Variants in HDAC8 observed in about 807,000 individuals in gnomAD.
The protein encoded by HDAC8 is histone deacetylase-like 1.
In HDAC8, 1 loss-of-function variant was observed where a neutral mutation model predicts 32.2. The ratio of observed to expected loss-of-function variants is 0.03; its 90% CI spans 0.01 to 0.15. HDAC8 has a LOEUF of 0.15. Among genes scored for constraint, HDAC8 ranks in the 10% least tolerant of loss-of-function variants. The pLI is 1.00. For missense variants in HDAC8, 117 were observed against 300.0 expected (o/e 0.39, Z 4.51); for synonymous variants, 108 against 113.9 (o/e 0.95, Z 0.33).
chrX:72,354,027 C>T (rs781912835), intron 9 of HDAC8, among the ~76,000 whole-genome samples: 46 of 112,203 alleles, frequency 4.1e-4, no homozygotes, highest in African/African-American at 1.4e-3. Flanking sequence ...CTTTAGCTCC[C>T]TCTTTGACCA....
intron 4 of HDAC8, among the ~76,000 whole-genome samples, chrX:72,563,214 A>G (rs1441857549): frequency 3.6e-5 from 4 of 111,596 alleles, no homozygotes; most frequent in Non-Finnish European, 7.5e-5. Context: ...CACATAAAGT[A>G]TTTATCTGAA....
intron 9 of HDAC8, among the ~76,000 whole-genome samples, chrX:72,459,250 C>T (rs2047803137): frequency 9.0e-6 from 1 of 111,145 alleles, no homozygotes; most frequent in Admixed American, 9.6e-5. Flanking sequence ...TAAGGCCTGG[C>T]AAATAGTAGG....
At chrX:72,419,038 C>A (rs1555972711) in intron 9 of HDAC8, among the ~76,000 whole-genome samples, 1 of 111,647 alleles carries the variant, frequency 9.0e-6, no homozygotes. Flanking sequence ...ATTACTATAG[C>A]TTTGTATTAC....
chrX:72,368,646 C>T (rs782366869), intron 9 of HDAC8, among the ~76,000 whole-genome samples: 10 of 112,478 alleles, frequency 8.9e-5, no homozygotes, highest in Non-Finnish European at 1.3e-4. Flanking sequence ...TAAGCCACCA[C>T]GCCTGGCCAT....
intron 7 of HDAC8, among the ~76,000 whole-genome samples, chrX:72,484,084 G>A (rs1016317085): frequency 4.4e-5 from 5 of 112,362 alleles, no homozygotes; most frequent in East Asian, 2.8e-4. Flanking sequence ...AAAGAGGTAC[G>A]AATCTTAAGT....
At chrX:72,473,662 A>G in intron 7 of HDAC8, 4 of 753,005 alleles carry the variant, frequency 5.3e-6, no homozygotes, top group Non-Finnish European at 6.3e-6. Flanking sequence ...ACTACAGTAT[A>G]TCTGCTTCCA....
At chrX:72,449,286 G>C (rs1555986490) in intron 9 of HDAC8, among the ~76,000 whole-genome samples, 1 of 111,207 alleles carries the variant, frequency 9.0e-6, no homozygotes, top group African/African-American at 3.3e-5. Flanking sequence ...GCAGGGACAT[G>C]GATGAAGCTG....
chrX:72,426,957 A>G (rs1272237572), intron 9 of HDAC8, among the ~76,000 whole-genome samples: 2 of 110,187 alleles, frequency 1.8e-5, no homozygotes, highest in African/African-American at 6.6e-5. Flanking sequence ...TGGAAAGGCC[A>G]TGTGAAGACA....
chrX:72,527,361 C>T (rs1184582164), intron 4 of HDAC8, among the ~76,000 whole-genome samples: 2 of 111,996 alleles, frequency 1.8e-5, no homozygotes, highest in African/African-American at 6.5e-5. Flanking sequence ...CTCGGCACTT[C>T]CCCACAGCCC....
At chrX:72,567,770 T>C in intron 4 of HDAC8, 119 bp downstream of exon 4, 3 of 1,211,424 alleles carry the variant, frequency 2.5e-6, no homozygotes, top group Non-Finnish European at 3.4e-6. Flanking sequence ...GAATGCCTTG[T>C]AAAGTGCCAC....
chrX:72,415,362 G>C (rs1228847587), intron 9 of HDAC8, among the ~76,000 whole-genome samples: 3 of 112,114 alleles, frequency 2.7e-5, no homozygotes, highest in Non-Finnish European at 5.6e-5. Flanking sequence ...AATTGGTAGA[G>C]TGAGTCCTCC....
chrX:72,416,494 C>A (rs782538500), intron 9 of HDAC8, among the ~76,000 whole-genome samples: 1 of 80,300 alleles, frequency 1.2e-5, no homozygotes, highest in South Asian at 7.9e-4. Flanking sequence ...TTTGAAGAAC[C>A]AACTTCTTGT....
intron 9 of HDAC8, among the ~76,000 whole-genome samples, chrX:72,442,957 A>C (rs1460354193): frequency 9.2e-6 from 1 of 108,569 alleles, no homozygotes; most frequent in Non-Finnish European, 1.9e-5. Flanking sequence ...ACATAATGGT[A>C]AAGGGATCAA....
chrX:72,451,486 C>T (rs1555987409), intron 9 of HDAC8, among the ~76,000 whole-genome samples: 11 of 111,975 alleles, frequency 9.8e-5, no homozygotes. Context: ...CATGGGCCAC[C>T]GTGCCTAGCC....
At chrX:72,564,671 C>A (rs1444234601) in intron 4 of HDAC8, among the ~76,000 whole-genome samples, 1 of 111,435 alleles carries the variant, frequency 9.0e-6, no homozygotes, top group Non-Finnish European at 1.9e-5. Flanking sequence ...CTCAACAGAC[C>A]TTTCAACTCC....
chrX:72,491,264 T>A (rs2048861384), intron 5 of HDAC8, among the ~76,000 whole-genome samples: 1 of 111,892 alleles, frequency 8.9e-6, no homozygotes, highest in Admixed American at 9.5e-5. Context: ...GGACTTCCCC[T>A]TTCCAAGCAA....
intron 4 of HDAC8, among the ~76,000 whole-genome samples, chrX:72,534,870 C>T (rs1161989411): frequency 8.9e-6 from 1 of 111,792 alleles, no homozygotes; most frequent in Non-Finnish European, 1.9e-5. Context: ...TCACTTCATA[C>T]ATTTTGGGTG....
chrX:72,367,622 T>A (rs2044741262), intron 9 of HDAC8, among the ~76,000 whole-genome samples: 1 of 112,438 alleles, frequency 8.9e-6, no homozygotes, highest in Non-Finnish European at 1.9e-5. Flanking sequence ...CATACTTAGG[T>A]TTGTCCCCTA....
rs782036387 is a variant in HDAC8, at chrX:72,506,007, G to A, written c.438-10739C>T. Among the ~76,000 whole-genome samples, 10 of 111,453 alleles carry A rather than the reference G, an allele frequency of 9.0e-5. No homozygotes were observed. The South Asian group carries it at 2.7e-3, about 30-fold the overall frequency. ...TCAGAGTCACTGAGAACTAAAACCC[G>A]ACTGCCCAAATCCCTATTGGGACTC... On this transcript the variant is annotated intron_variant, in intron 4 of 10. Transcript: ENST00000373573.
Sources: allele counts gnomAD v4.1 joint callset (sites outside exome capture counted in the v4.1 genomes callset), GRCh38; gene constraint gnomAD v4.1.1; transcripts MANE v1.5; gene names NCBI Gene and HGNC (gene_info 2026-07-23, HGNC 2026-07-21).